The following DOCK1 variants were observed in gnomAD, a reference collection of about 807,000 sequenced individuals.
The protein encoded by DOCK1 is dedicator of cytokinesis protein 1.
In DOCK1, 138 loss-of-function variants were observed where a neutral mutation model predicts 262.7. The ratio of observed to expected loss-of-function variants is 0.53; its 90% CI spans 0.46 to 0.61. The LOEUF is 0.61. DOCK1 is among the 20% of genes least tolerant of loss of function. The pLI, the probability that DOCK1 is intolerant of heterozygous loss-of-function variation, is 0.00. For synonymous variants in DOCK1, 866 were observed against 867.4 expected (o/e 1.00, Z 0.03); for missense variants, 1,908 against 2,370.7 (o/e 0.80, Z 4.05).
chr10:127,176,349 C>G lies in DOCK1; in HGVS notation c.2847+48585C>G. ...CAGGCAGGCGGCGGGTTCCACTTCACTCTCCGACGTTGTGAGTATGCATTT... is the reference window on the plus strand; with the variant it reads ...CAGGCAGGCGGCGGGTTCCACTTCAGTCTCCGACGTTGTGAGTATGCATTT... On this transcript the variant is annotated intron_variant, in intron 27 of 51. Coordinates refer to ENST00000623213, the MANE Select transcript of DOCK1 (RefSeq NM_001290223.2). The surrounding 1 kb of genome is among the most constrained non-coding windows in gnomAD (Gnocchi z 4.4). The G allele has an allele frequency of 6.2e-7, 1 of 1,613,624 alleles. No individual in the cohort carries two copies. The highest frequency in any genetic ancestry group is 2.2e-5 in the East Asian group (1 of 44,870).
chr10:127,090,190 T>C (rs774285040), intron 23 of DOCK1, among the ~76,000 whole-genome samples: 1 of 152,170 alleles, frequency 6.6e-6, no homozygotes, highest in Non-Finnish European at 1.5e-5. Context: ...CTGGCACTGA[T>C]AGTGGCTTGC....
rs1399532119 is a variant in DOCK1, at chr10:126,951,850, TCA to T, written c.47-18851_47-18850del. 7.1e-5 allele frequency among the ~76,000 whole-genome samples: 7 copies of T among 98,936 alleles called. No individual in the cohort carries two copies. In the South Asian group the frequency reaches 1.9e-3, roughly 26 times the overall value. The allele number at this position is 98,936 out of a possible 152,430, so 64.9% of individuals were successfully genotyped here. On this transcript the variant is annotated intron_variant, in intron 1 of 51. Coordinates refer to ENST00000623213, the MANE Select transcript of DOCK1 (RefSeq NM_001290223.2). ...ACTATGTAACTTTACTTCAGCCTCT[TCA>T]TTTTTTTTTTTTTTGAGATGGAGTT...
At chr10:127,034,392 C>T (rs1423296384) in intron 18 of DOCK1, among the ~76,000 whole-genome samples, 2 of 152,116 alleles carry the variant, frequency 1.3e-5, no homozygotes, top group African/African-American at 4.8e-5. Context: ...GAGAACAGCA[C>T]AGGAAAGACC....
intron 27 of DOCK1, among the ~76,000 whole-genome samples, chr10:127,210,909 C>T (rs1411170164): frequency 2.0e-5 from 3 of 152,182 alleles, no homozygotes; most frequent in African/African-American, 4.8e-5. Flanking sequence ...ATGACTTAAA[C>T]GTATTACAGC....
intron 18 of DOCK1, among the ~76,000 whole-genome samples, chr10:127,035,955 T>A (rs374056070): frequency 5.5e-4 from 83 of 151,854 alleles, no homozygotes; most frequent in East Asian, 5.2e-3. Flanking sequence ...TGAGCTGTGG[T>A]TGTGCTCCTG....
chr10:127,007,849 G>A (rs970312572), intron 10 of DOCK1, among the ~76,000 whole-genome samples: 6 of 152,150 alleles, frequency 3.9e-5, no homozygotes, highest in African/African-American at 1.4e-4. Context: ...TGTCAGTATG[G>A]TAGGTTACTG....
chr10:127,130,967 T>C (rs1445339621), intron 27 of DOCK1, among the ~76,000 whole-genome samples: 1 of 152,174 alleles, frequency 6.6e-6, no homozygotes, highest in Non-Finnish European at 1.5e-5. Context: ...CTTTCTATTT[T>C]CTATCATGTC....
At chr10:127,400,144 A>C (rs1464368942) in intron 38 of DOCK1, among the ~76,000 whole-genome samples, 1 of 152,004 alleles carries the variant, frequency 6.6e-6, no homozygotes, top group African/African-American at 2.4e-5. Context: ...TCAAAGTATT[A>C]AAATGCAGCT....
At chr10:127,400,541 C>A (rs1001946543) in intron 38 of DOCK1, among the ~76,000 whole-genome samples, 2 of 152,212 alleles carry the variant, frequency 1.3e-5, no homozygotes, top group Admixed American at 1.3e-4. Context: ...GGGTCAAGCC[C>A]ACCGCTTATC....
chr10:127,052,866 T>C, intron 22 of DOCK1, 51 bp downstream of exon 22: 3 of 1,562,860 alleles, frequency 1.9e-6, no homozygotes, highest in South Asian at 2.3e-5. Context: ...TGGCAGGAGA[T>C]CCTTCACTTC....
chr10:127,275,088 A>G (rs1777637531), intron 29 of DOCK1, among the ~76,000 whole-genome samples: 1 of 152,180 alleles, frequency 6.6e-6, no homozygotes, highest in African/African-American at 2.4e-5. Context: ...GCTAGAAGGT[A>G]CAATTTGGGA....
At chr10:127,130,468 C>T (rs2050255481) in intron 27 of DOCK1, among the ~76,000 whole-genome samples, 1 of 152,074 alleles carries the variant, frequency 6.6e-6, no homozygotes, top group Non-Finnish European at 1.5e-5. Flanking sequence ...GAAGAGGGCA[C>T]AGAAAAAGCT....
intron 23 of DOCK1, among the ~76,000 whole-genome samples, chr10:127,101,757 G>A (rs987626981): frequency 6.6e-6 from 1 of 152,204 alleles, no homozygotes; most frequent in Non-Finnish European, 1.5e-5. Flanking sequence ...ATTCACCCTG[G>A]TGAAATGGTA....
At chr10:127,211,755 C>T (rs1398651382) in intron 27 of DOCK1, among the ~76,000 whole-genome samples, 1 of 152,146 alleles carries the variant, frequency 6.6e-6, no homozygotes, top group Non-Finnish European at 1.5e-5. Context: ...GGGTCCAGCC[C>T]TGCTGTCCAG....
chr10:127,313,211 C>G (rs557822775), intron 29 of DOCK1, among the ~76,000 whole-genome samples: 13 of 152,250 alleles, frequency 8.5e-5, no homozygotes, highest in Admixed American at 8.5e-4. Flanking sequence ...CATGAGGCAC[C>G]ATGGGCACCC....
intron 25 of DOCK1, among the ~76,000 whole-genome samples, chr10:127,124,800 C>T (rs1256625683): frequency 2.0e-5 from 3 of 152,114 alleles, no homozygotes; most frequent in South Asian, 2.1e-4. Context: ...TACTTTGGCT[C>T]ACCTTGGCAT....
At chr10:127,336,005 C>T (rs1391005027) in intron 29 of DOCK1, among the ~76,000 whole-genome samples, 2 of 151,974 alleles carry the variant, frequency 1.3e-5, no homozygotes, top group Non-Finnish European at 2.9e-5. Flanking sequence ...TGTGAGCCAC[C>T]ATGCCCAGCC....
chr10:127,391,779 G>T (rs556015406), intron 38 of DOCK1, among the ~76,000 whole-genome samples: 1 of 152,006 alleles, frequency 6.6e-6, no homozygotes, highest in Admixed American at 6.6e-5. Context: ...TCTCACCTGG[G>T]TCTGTCTGAG....
At chr10:126,944,589 G>A (rs1453152235) in intron 1 of DOCK1, among the ~76,000 whole-genome samples, 3 of 152,112 alleles carry the variant, frequency 2.0e-5, no homozygotes, top group Non-Finnish European at 4.4e-5. Flanking sequence ...GGAGACCGGG[G>A]AGCGGAGGCC....
Sources: allele counts gnomAD v4.1 joint callset (sites outside exome capture counted in the v4.1 genomes callset), GRCh38; gene constraint gnomAD v4.1.1; non-coding constraint Gnocchi (gnomAD v3.1); transcripts MANE v1.5; gene names NCBI Gene and HGNC (gene_info 2026-07-23, HGNC 2026-07-21).